AKAP13: variants seen among roughly 807,000 people sequenced by gnomAD.
AKAP13 encodes the protein A-kinase anchoring protein 13.
A neutral mutation model predicts 264.5 loss-of-function variants in AKAP13; 80 were observed. That is an observed-to-expected ratio of 0.30 (90% CI 0.25 to 0.36). AKAP13 has a LOEUF of 0.36. AKAP13 is among the 10% of genes least tolerant of loss of function. The pLI is 1.00. For synonymous variants in AKAP13, 1,380 were observed against 1,250.2 expected (o/e 1.10, Z -2.19); for missense variants, 3,712 against 3,435.2 (o/e 1.08, Z -2.01).
At chr15:85,519,090 A>C (rs1393262814) in intron 2 of AKAP13, among the ~76,000 whole-genome samples, 1 of 152,090 alleles carries the variant, frequency 6.6e-6, no homozygotes, top group Admixed American at 6.6e-5. Context: ...TAGAAATCAA[A>C]GTGAATTTTT....
In AKAP13 at chr15:85,716,212, A is replaced by G. The variant is rs569393260; in HGVS notation, c.5735+289A>G. The stretch of plus-strand genomic sequence containing the variant: ...GAGTTCTAAAAAGATGATTTTTTAG[A>G]TCAAAATAAGTAGGAATAGGAAAAA... On this transcript the variant is annotated intron_variant, in intron 20 of 36. Coordinates refer to ENST00000394518, the MANE Select transcript of AKAP13 (RefSeq NM_007200.5). Among the ~76,000 whole-genome samples, 7 of 152,214 alleles carry G rather than the reference A, an allele frequency of 4.6e-5. No individual in the cohort carries two copies. The South Asian group carries it at 1.2e-3, about 27-fold the overall frequency.
chr15:85,602,898 GT>G (rs1420931225), intron 8 of AKAP13, among the ~76,000 whole-genome samples: 1 of 152,150 alleles, frequency 6.6e-6, no homozygotes, highest in African/African-American at 2.4e-5. Context: ...AATGTTGAAT[GT>G]TTCATTCTAC....
intron 10 of AKAP13, 29 bp downstream of exon 10, chr15:85,645,983 G>C (rs2082542080): frequency 6.2e-7 from 1 of 1,600,456 alleles, no homozygotes; most frequent in Non-Finnish European, 8.5e-7. Context: ...TTTCATTTTT[G>C]TCACACGGCT....
At chr15:85,387,293 G>T (rs544809949) in intron 1 of AKAP13, among the ~76,000 whole-genome samples, 4 of 151,992 alleles carry the variant, frequency 2.6e-5, no homozygotes, top group Admixed American at 6.6e-5. Flanking sequence ...CCGACATTGC[G>T]CCACTTTACT....
intron 8 of AKAP13, among the ~76,000 whole-genome samples, chr15:85,598,788 G>A (rs1256646723): frequency 6.6e-6 from 1 of 152,258 alleles, no homozygotes; most frequent in East Asian, 1.9e-4. Flanking sequence ...CTACACCACT[G>A]TCCCTTCTAC....
intron 17 of AKAP13, among the ~76,000 whole-genome samples, chr15:85,694,065 C>CTGT (rs1255419487): frequency 2.6e-5 from 4 of 152,350 alleles, no homozygotes; most frequent in Admixed American, 1.3e-4. Context: ...TTTTAAAAGT[C>CTGT]TGTGTCAGCA....
At chr15:85,558,791 A>G (rs980903707) in intron 5 of AKAP13, among the ~76,000 whole-genome samples, 4 of 152,076 alleles carry the variant, frequency 2.6e-5, no homozygotes, top group African/African-American at 9.7e-5. Context: ...ATGGATGTGC[A>G]TTCCTTTCTC....
chr15:85,432,986 T>G (rs1396383251), intron 1 of AKAP13, among the ~76,000 whole-genome samples: 1 of 152,164 alleles, frequency 6.6e-6, no homozygotes, highest in Non-Finnish European at 1.5e-5. Context: ...CTTGAGATAC[T>G]TAACATTTTA....
intron 3 of AKAP13, among the ~76,000 whole-genome samples, chr15:85,524,960 C>T (rs1213848294): frequency 6.6e-6 from 1 of 151,592 alleles, no homozygotes; most frequent in Non-Finnish European, 1.5e-5. Context: ...GATGTGATTT[C>T]CCCTCCTTTT....
At chr15:85,420,926 A>T (rs1162654715) in intron 1 of AKAP13, among the ~76,000 whole-genome samples, 2 of 152,214 alleles carry the variant, frequency 1.3e-5, no homozygotes, top group African/African-American at 4.8e-5. Flanking sequence ...TCTCTAAAAA[A>T]AAAATCGGAA....
At position 85,521,397 on chromosome 15, in the gene AKAP13, T is replaced by C. The variant is rs375432249; in HGVS notation, c.34-31T>C. On this transcript the variant is annotated intron_variant, in intron 2 of 36. Transcript: ENST00000394518. ...AGGCTGCGAAGAGGAACCTTACTAATGTAAACTTGCTATATTGTTTCCTTT... is the reference window on the plus strand; with the variant it reads ...AGGCTGCGAAGAGGAACCTTACTAACGTAAACTTGCTATATTGTTTCCTTT... The C allele has an allele frequency of 1.1e-5, 18 of 1,610,232 alleles. No homozygotes were observed. The African/African-American group carries it at 2.4e-4, about 22-fold the overall frequency.
At position 85,745,143 on chromosome 15, in the gene AKAP13, A is replaced by G. The variant is rs531371137; in HGVS notation, c.*466A>G. 1.1e-3 allele frequency: 171 copies of G among 155,290 alleles called. No homozygotes were observed. Among genetic ancestry groups the G allele is most frequent in the Admixed American group, 1.9e-3 (30 of 16,108 alleles). 9.6% of individuals were successfully genotyped at this position (155,290 alleles called of 1,614,324 possible). A position where few individuals can be genotyped will look rare whatever the true frequency, so the allele number is the denominator to read the frequency against. On this transcript the variant is annotated 3_prime_UTR_variant, in exon 37 of 37. Transcript: ENST00000394518. ...ATATACACACGGGGAATGCCAGAAG[A>G]AGGCCCAGTCTGCACCAGGCGTCTG...
chr15:85,693,921 GA>G (rs757199486), intron 17 of AKAP13, among the ~76,000 whole-genome samples: 1 of 152,198 alleles, frequency 6.6e-6, no homozygotes, highest in East Asian at 1.9e-4. Context: ...ATGATGTCCA[GA>G]AGGTTAGGTG....
intron 1 of AKAP13, among the ~76,000 whole-genome samples, chr15:85,407,276 G>T (rs1354756514): frequency 6.7e-6 from 1 of 148,652 alleles, no homozygotes; most frequent in East Asian, 2.0e-4. Flanking sequence ...CACCCAGGCT[G>T]GAATGCAGTG....
intron 1 of AKAP13, among the ~76,000 whole-genome samples, chr15:85,392,016 C>G (rs1432496289): frequency 6.6e-6 from 1 of 151,882 alleles, no homozygotes; most frequent in South Asian, 2.1e-4. Context: ...AACTCCTGAC[C>G]TCGTGATCCA....
chr15:85,392,780 C>T (rs1299571372), intron 1 of AKAP13, among the ~76,000 whole-genome samples: 1 of 152,134 alleles, frequency 6.6e-6, no homozygotes, highest in African/African-American at 2.4e-5. Context: ...CCAGGCTAAT[C>T]GTGGCACCAT....
chr15:85,467,814 A>G (rs552597734), intron 1 of AKAP13, among the ~76,000 whole-genome samples: 30 of 152,312 alleles, frequency 2.0e-4, no homozygotes, highest in African/African-American at 6.7e-4. Flanking sequence ...TCGGCCTGCA[A>G]TCTTTTCGGC....
rs1187392005 is a variant in AKAP13 at position 85,710,642 on chromosome 15, A to C, written c.5596A>C (p.Lys1866Gln). ...SSLPTVIMRNKPSQPKERPRS... is the reference protein window; with the variant it reads ...SSLPTVIMRNQPSQPKERPRS... ...ACTGCCCACGGTCATTATGAGAAAC[A>C]AGCGTAAGTAGCTCAGCCCACCTCT... is the stretch of plus-strand genomic sequence containing the variant. Residue 1866 changes from lysine to glutamine, a missense_variant, in exon 19 of 37, where the codon AAG becomes CAG. Coordinates refer to ENST00000394518, the MANE Select transcript of AKAP13 (RefSeq NM_007200.5). The C allele has an allele frequency of 3.1e-6, 5 of 1,613,616 alleles. No individual in the cohort carries two copies. In the South Asian group the frequency reaches 3.3e-5, roughly 11 times the overall value.
chr15:85,613,142 T>G (rs563459961), intron 8 of AKAP13, among the ~76,000 whole-genome samples: 1 of 152,320 alleles, frequency 6.6e-6, no homozygotes, highest in South Asian at 2.1e-4. Flanking sequence ...AATACAACAG[T>G]CTTTAGGATC....
Sources: gnomAD v4.1 joint callset for allele counts (sites outside exome capture counted in the v4.1 genomes callset) on GRCh38, gnomAD v4.1.1 for gene constraint, MANE v1.5 for transcripts, NCBI Gene and HGNC (gene_info 2026-07-23, HGNC 2026-07-21) for gene names.